C10orf90: variants seen among roughly 807,000 people sequenced by gnomAD.
C10orf90 encodes the protein (E2-independent) E3 ubiquitin-conjugating enzyme FATS.
Under a neutral mutation model 62.5 loss-of-function variants are expected in C10orf90, and 56 were observed. That is an observed-to-expected ratio of 0.90 (90% CI 0.72 to 1.12). The LOEUF (loss-of-function observed/expected upper bound fraction) is 1.12, where lower values mean the gene tolerates loss of function less well. Among genes scored for constraint, C10orf90 ranks in the 50% most tolerant of loss-of-function variants. The pLI is 0.00. For missense variants in C10orf90, 970 were observed against 880.4 expected (o/e 1.10, Z -1.29); for synonymous variants, 386 against 340.4 (o/e 1.13, Z -1.47).
At chr10:126,459,273 C>T (rs1474440891) in intron 6 of C10orf90, 56 bp from the exon 7 acceptor site, 46 of 1,596,768 alleles carry the variant, frequency 2.9e-5, no homozygotes, top group Non-Finnish European at 3.8e-5. Flanking sequence ...AGAAAGGCAA[C>T]GCATCTGTCT....
intron 4 of C10orf90, among the ~76,000 whole-genome samples, chr10:126,484,980 G>A (rs1861352319): frequency 6.6e-6 from 1 of 152,136 alleles, no homozygotes; most frequent in Non-Finnish European, 1.5e-5. Flanking sequence ...CTAACAATGT[G>A]AGCAAAAAGG....
intron 2 of C10orf90, among the ~76,000 whole-genome samples, chr10:126,585,447 A>T (rs1844847811): frequency 6.6e-6 from 1 of 151,074 alleles, no homozygotes; most frequent in South Asian, 2.1e-4. Context: ...AAAGAAGGAA[A>T]GGAGGGAAGA....
chr10:126,563,695 A>G (rs981333939), intron 2 of C10orf90, among the ~76,000 whole-genome samples: 3 of 152,214 alleles, frequency 2.0e-5, no homozygotes, highest in Non-Finnish European at 4.4e-5. Context: ...ACATAGGAAC[A>G]CAACCCATGG....
intron 5 of C10orf90, chr10:126,463,441 G>C (rs778512359): frequency 6.6e-6 from 1 of 152,254 alleles, no homozygotes; most frequent in Non-Finnish European, 1.5e-5. Flanking sequence ...CCTCTTCAAA[G>C]GCTTGGCTCT....
intron 2 of C10orf90, among the ~76,000 whole-genome samples, chr10:126,583,380 T>C (rs1327876293): frequency 2.0e-5 from 3 of 152,336 alleles, no homozygotes; most frequent in African/African-American, 7.2e-5. Flanking sequence ...TTCTCAAAAG[T>C]CATCTTCCTT....
At chr10:126,500,073 A>G (rs185273452) in intron 4 of C10orf90, among the ~76,000 whole-genome samples, 1 of 152,370 alleles carries the variant, frequency 6.6e-6, no homozygotes, top group African/African-American at 2.4e-5. Context: ...TTTCTGAGCC[A>G]ATACATTTTA....
At chr10:126,576,700 T>TA (rs1401481284) in intron 2 of C10orf90, among the ~76,000 whole-genome samples, 2,555 of 34,116 alleles carry the variant, frequency 0.075, 589 homozygotes, top group Middle Eastern at 0.17. Context: ...CATGTATATG[T>TA]ATATGTATAT....
intron 2 of C10orf90, among the ~76,000 whole-genome samples, chr10:126,545,822 G>A (rs575435084): frequency 3.8e-4 from 58 of 152,062 alleles, no homozygotes; most frequent in African/African-American, 1.3e-3. Context: ...GGTTCTTCTC[G>A]GGGAGGGCAG....
Position 126,425,789 on chromosome 10 carries a change from G to T in C10orf90, c.*75C>A. 1.4e-6 allele frequency: 2 copies of T among 1,437,376 alleles called. No individual in the cohort carries two copies. The highest frequency in any genetic ancestry group is 1.9e-6 in the Non-Finnish European group (2 of 1,054,936). 89.0% of individuals were successfully genotyped at this position (1,437,376 alleles called of 1,614,324 possible). A position where few individuals can be genotyped will look rare whatever the true frequency, so the allele number is the denominator to read the frequency against. ...AGTGTTTTCCCATGATGAAGATAAT[G>T]CTAAGTTTAATGGCTTATCCAGCAT... On this transcript the variant is annotated 3_prime_UTR_variant, in exon 10 of 10. Transcript: ENST00000488181.
chr10:126,440,819 G>C (rs1231563455), intron 7 of C10orf90, among the ~76,000 whole-genome samples: 2 of 152,154 alleles, frequency 1.3e-5, no homozygotes, highest in African/African-American at 4.8e-5. Context: ...CGCTCAGGAA[G>C]CCACATTCAT....
chr10:126,609,975 C>T (rs1041286701), intron 2 of C10orf90, among the ~76,000 whole-genome samples: 1 of 152,192 alleles, frequency 6.6e-6, no homozygotes, highest in African/African-American at 2.4e-5. Flanking sequence ...GTACCTGGAG[C>T]CTTCCCAGGA....
chr10:126,543,724 T>A (rs558003434), intron 2 of C10orf90, among the ~76,000 whole-genome samples: 1 of 152,358 alleles, frequency 6.6e-6, no homozygotes, highest in East Asian at 1.9e-4. Context: ...CTTAAGAGTT[T>A]CCTGTGTTTG....
chr10:126,610,125 T>C (rs1845401394), intron 2 of C10orf90, among the ~76,000 whole-genome samples: 1 of 152,170 alleles, frequency 6.6e-6, no homozygotes, highest in Non-Finnish European at 1.5e-5. Context: ...CTAGATCCAC[T>C]TCATCCTTCA....
rs139991687 is a variant in C10orf90, at chr10:126,488,116, T to C, written c.1534+15841A>G. On this transcript the variant is annotated intron_variant, in intron 4 of 9. Coordinates refer to ENST00000488181, the MANE Select transcript of C10orf90 (RefSeq NM_001350921.2). Reference sequence around the variant, plus strand: ...TCAAAAGAAAAAGAGGTAAGACAAATAGAAAAACCTAAATAATAGGGTAGA... The same window carrying C: ...TCAAAAGAAAAAGAGGTAAGACAAACAGAAAAACCTAAATAATAGGGTAGA... Among the ~76,000 whole-genome samples, 627 of 151,988 alleles carry C rather than the reference T, an allele frequency of 4.1e-3. 3 individuals carry two copies. Among genetic ancestry groups the C allele is most frequent in the Non-Finnish European group, 6.5e-3 (438 of 67,896 alleles).
intron 2 of C10orf90, among the ~76,000 whole-genome samples, chr10:126,601,597 A>G (rs769087351): frequency 6.6e-6 from 1 of 152,346 alleles, no homozygotes; most frequent in African/African-American, 2.4e-5. Flanking sequence ...ATTTATATAC[A>G]CCAATTATTT....
chr10:126,526,063 A>AC (rs1266531514), intron 2 of C10orf90, among the ~76,000 whole-genome samples: 2 of 93,282 alleles, frequency 2.1e-5, no homozygotes, highest in Non-Finnish European at 5.0e-5. Flanking sequence ...CACACACACA[A>AC]AAGAAGCAGA....
intron 4 of C10orf90, among the ~76,000 whole-genome samples, chr10:126,502,103 CCA>C (rs59839146): frequency 0.23 from 31,291 of 138,508 alleles, 3,503 homozygotes; most frequent in African/African-American, 0.34. Context: ...CACACACACA[CCA>C]CACACACACA....
At chr10:126,534,784 G>A (rs987492052) in intron 2 of C10orf90, among the ~76,000 whole-genome samples, 4 of 152,134 alleles carry the variant, frequency 2.6e-5, no homozygotes, top group African/African-American at 4.8e-5. Flanking sequence ...GGGAGCAAGC[G>A]GTGGCTTTGG....
At chr10:126,516,142 A>G (rs1385177760) in intron 2 of C10orf90, among the ~76,000 whole-genome samples, 1 of 152,218 alleles carries the variant, frequency 6.6e-6, no homozygotes, top group Admixed American at 6.5e-5. Flanking sequence ...CCCCAGGCCG[A>G]CCTACAGTGG....
Sources: allele counts gnomAD v4.1 joint callset (sites outside exome capture counted in the v4.1 genomes callset), GRCh38; gene constraint gnomAD v4.1.1; transcripts MANE v1.5; gene names NCBI Gene and HGNC (gene_info 2026-07-23, HGNC 2026-07-21).